The following CEP63 variants were observed in gnomAD, a reference collection of about 807,000 sequenced individuals.
CEP63 encodes the protein centrosomal protein of 63 kDa.
In CEP63, 84 loss-of-function variants were observed where a neutral mutation model predicts 89.1. The ratio of observed to expected loss-of-function variants is 0.94; its 90% CI spans 0.79 to 1.13. CEP63 has a LOEUF of 1.13. Among genes scored for constraint, CEP63 ranks in the 50% most tolerant of loss-of-function variants. The pLI is 0.00. For missense variants in CEP63, 838 were observed against 813.3 expected (o/e 1.03, Z -0.37); for synonymous variants, 267 against 272.5 (o/e 0.98, Z 0.20).
At chr3:134,759,997 T>G in the CEP63 span, among the ~76,000 whole-genome samples, 5 of 151,908 alleles carry the variant, frequency 3.3e-5, no homozygotes, top group Non-Finnish European at 7.4e-5. Flanking sequence ...TTCTAAGGAG[T>G]GTGCTCTTGA....
At chr3:134,765,934 CA>C in the CEP63 span, among the ~76,000 whole-genome samples, 1 of 152,226 alleles carries the variant, frequency 6.6e-6, no homozygotes, top group Non-Finnish European at 1.5e-5. Flanking sequence ...AGCACAGAAT[CA>C]GTTTCCAGTA....
At chr3:134,737,436 C>T in the CEP63 span, among the ~76,000 whole-genome samples, 1 of 151,948 alleles carries the variant, frequency 6.6e-6, no homozygotes, top group African/African-American at 2.4e-5. Context: ...CCTCTACAAA[C>T]CGAAAAGCAA....
chr3:134,701,807 T>A, the CEP63 span, among the ~76,000 whole-genome samples: 1 of 152,144 alleles, frequency 6.6e-6, no homozygotes, highest in Non-Finnish European at 1.5e-5. Flanking sequence ...GCAGATGACA[T>A]AATCCTATAT....
the CEP63 span, among the ~76,000 whole-genome samples, chr3:134,629,211 C>A: frequency 2.0e-5 from 3 of 152,234 alleles, no homozygotes; most frequent in Non-Finnish European, 2.9e-5. Flanking sequence ...TACTTCACCT[C>A]TCTAAGCCTC....
the CEP63 span, among the ~76,000 whole-genome samples, chr3:134,714,167 G>T: frequency 2.6e-5 from 4 of 152,210 alleles, no homozygotes; most frequent in Non-Finnish European, 5.9e-5. Context: ...TCTCAAACTT[G>T]TGCATGGAAA....
the CEP63 span, among the ~76,000 whole-genome samples, chr3:134,692,541 T>A: frequency 6.6e-6 from 1 of 152,204 alleles, no homozygotes; most frequent in Non-Finnish European, 1.5e-5. Flanking sequence ...TATCATGCCA[T>A]ATAACTTCTG....
chr3:134,669,342 C>T, the CEP63 span, among the ~76,000 whole-genome samples: 1 of 152,102 alleles, frequency 6.6e-6, no homozygotes, highest in African/African-American at 2.4e-5. Context: ...TCTTTGTGAG[C>T]CTGTTCTTGG....
chr3:134,768,229 C>G, the CEP63 span, among the ~76,000 whole-genome samples: 1 of 152,140 alleles, frequency 6.6e-6, no homozygotes, highest in African/African-American at 2.4e-5. Flanking sequence ...TGGACAGATT[C>G]CTCGAGTGGC....
At chr3:134,656,868 A>G in the CEP63 span, among the ~76,000 whole-genome samples, 1 of 152,320 alleles carries the variant, frequency 6.6e-6, no homozygotes, top group Non-Finnish European at 1.5e-5. Flanking sequence ...CATTACTAAC[A>G]ATTTAGAAAG....
Position 134,532,782 on chromosome 3 carries a change from G to A in CEP63, c.323G>A (p.Cys108Tyr), listed in dbSNP as rs1425074741. Residue 108 changes from cysteine to tyrosine, a missense_variant, in exon 5 of 15, where the codon TGC becomes TAC. Physicochemically the swap from Cys to Tyr is radical, Grantham distance 194. Transcript: ENST00000675561. Reference protein sequence around the residue: ...QELKKLHEELCILKRSYEKLQ... With the variant: ...QELKKLHEELYILKRSYEKLQ... ...TAGAAATAACTGTTTCTACAGTTATGCATACTGAAGAGAAGCTATGAAAAG... is the reference window on the plus strand; with the variant it reads ...TAGAAATAACTGTTTCTACAGTTATACATACTGAAGAGAAGCTATGAAAAG... 15 of 1,598,364 alleles carry A rather than the reference G, an allele frequency of 9.4e-6. No homozygotes were observed. The highest frequency in any genetic ancestry group is 2.2e-5 in the East Asian group (1 of 44,750).
At chr3:134,686,423 C>T in the CEP63 span, among the ~76,000 whole-genome samples, 207 of 152,370 alleles carry the variant, frequency 1.4e-3, no homozygotes, top group Middle Eastern at 3.4e-3. Context: ...ACCAAGCACA[C>T]TTCTGACCTG....
intron 2 of CEP63, among the ~76,000 whole-genome samples, chr3:134,502,670 C>T (rs1420852884): frequency 6.6e-6 from 1 of 152,016 alleles, no homozygotes; most frequent in Admixed American, 6.6e-5. Flanking sequence ...TGTAATGTCA[C>T]CTTTGTCATT....
chr3:134,503,512 C>T (rs1189077092), intron 2 of CEP63, among the ~76,000 whole-genome samples: 5 of 152,062 alleles, frequency 3.3e-5, no homozygotes, highest in Non-Finnish European at 7.4e-5. Context: ...CTATAAATGT[C>T]TTTAGGTCTC....
At chr3:134,605,667 A>T in the CEP63 span, among the ~76,000 whole-genome samples, 1 of 151,676 alleles carries the variant, frequency 6.6e-6, no homozygotes, top group East Asian at 1.9e-4. Context: ...ACTCCCACAC[A>T]TCCCCCCACT....
Position 134,564,894 on chromosome 3 carries a change from A to G in CEP63, c.*3359A>G. The G allele has an allele frequency of 4.1e-6, 4 of 984,932 alleles. No homozygotes were observed. Among genetic ancestry groups the G allele is most frequent in the South Asian group, 9.4e-5 (2 of 21,264 alleles). 61.0% of individuals were successfully genotyped at this position (984,932 alleles called of 1,614,324 possible). A position where few individuals can be genotyped will look rare whatever the true frequency, so the allele number is the denominator to read the frequency against. ...GAGGTACTATGTATTTCCTTAAATT[A>G]TACTGTTTTTTAAAGCTGAAGTATC... On this transcript the variant is annotated 3_prime_UTR_variant, in exon 15 of 15. Transcript: ENST00000675561.
the CEP63 span, among the ~76,000 whole-genome samples, chr3:134,720,692 A>G: frequency 3.3e-5 from 5 of 152,120 alleles, no homozygotes; most frequent in Admixed American, 1.3e-4. Context: ...ACTCTTTTGC[A>G]TATGGAAATC....
At chr3:134,590,166 G>A (rs552293866), downstream of CEP63, among the ~76,000 whole-genome samples, 25 of 152,140 alleles carry the variant, frequency 1.6e-4, no homozygotes, top group Middle Eastern at 3.4e-3. Flanking sequence ...AAAATAATCT[G>A]TACATTGCCA....
the CEP63 span, among the ~76,000 whole-genome samples, chr3:134,776,925 G>C: frequency 9.9e-5 from 15 of 152,220 alleles, no homozygotes; most frequent in African/African-American, 3.1e-4. Flanking sequence ...GTTAGGCTGA[G>C]GCTGGTGCTT....
intron 14 of CEP63, 24 bp from the exon 15 acceptor site, chr3:134,561,353 T>A: frequency 1.9e-6 from 3 of 1,593,764 alleles, no homozygotes; most frequent in Non-Finnish European, 1.7e-6. Context: ...TATTTACACA[T>A]GTCAAAATTT....
Sources: allele counts gnomAD v4.1 joint callset (sites outside exome capture counted in the v4.1 genomes callset), GRCh38; gene constraint gnomAD v4.1.1; transcripts MANE v1.5; gene names NCBI Gene and HGNC (gene_info 2026-07-23, HGNC 2026-07-21).